Variants in KLHL13 observed in about 807,000 individuals in gnomAD.
KLHL13 encodes the protein kelch like family member 13.
Under a neutral mutation model 37.1 loss-of-function variants are expected in KLHL13, and 10 were observed. The observed-to-expected ratio is 0.27, with a 90% CI of 0.17 to 0.46. KLHL13 has a LOEUF of 0.46. KLHL13 is among the 20% of genes least tolerant of loss of function. The pLI is 1.00. For missense variants in KLHL13, 360 were observed against 509.3 expected, an observed-to-expected ratio of 0.71 and a Z score of 2.82; for synonymous variants, 163 against 181.2, an observed-to-expected ratio of 0.90 and a Z score of 0.81.
intron 2 of KLHL13, among the ~76,000 whole-genome samples, chrX:117,944,565 G>T (rs1933223909): frequency 1.8e-5 from 2 of 111,367 alleles, no homozygotes; most frequent in African/African-American, 6.5e-5. Flanking sequence ...TACTATAATG[G>T]TTCTTGATCA....
chrX:117,938,887 T>C (rs1489514621), intron 2 of KLHL13, among the ~76,000 whole-genome samples: 1 of 111,014 alleles, frequency 9.0e-6, no homozygotes, highest in African/African-American at 3.3e-5. Flanking sequence ...TCCTCATATG[T>C]ATAACAAACA....
At chrX:117,983,718 T>G (rs1465184559) in intron 1 of KLHL13, among the ~76,000 whole-genome samples, 1 of 111,947 alleles carries the variant, frequency 8.9e-6, no homozygotes, top group African/African-American at 3.2e-5. Flanking sequence ...AATTAACTTT[T>G]AAAAACCCTT....
At chrX:118,051,553 A>C (rs992080791) in intron 1 of KLHL13, among the ~76,000 whole-genome samples, 2 of 110,491 alleles carry the variant, frequency 1.8e-5, no homozygotes, top group Admixed American at 1.9e-4. Context: ...AAAAAGTAAT[A>C]AATAAATAAA....
intron 1 of KLHL13, among the ~76,000 whole-genome samples, chrX:117,956,665 T>A (rs1569425679): frequency 8.9e-6 from 1 of 112,082 alleles, no homozygotes; most frequent in East Asian, 2.8e-4. Context: ...AACCAGTGTT[T>A]CACACCCCAA....
chrX:117,947,171 G>A lies in KLHL13; in HGVS notation c.99-1596C>T, dbSNP rs774666526. On this transcript the variant is annotated intron_variant, in intron 1 of 6. Transcript: ENST00000262820. ...TTTTAAACAACTTTTGTGGACAGAC[G>A]TTTAAAATTACAGAATCAATTGGAA... is the stretch of plus-strand genomic sequence containing the variant. The A allele has an allele frequency of 8.1e-5, 9 of 111,677 alleles. No homozygotes were observed. The South Asian group carries it at 1.1e-3, about 14-fold the overall frequency. 9.2% of individuals were successfully genotyped at this position (111,677 alleles called of 1,213,427 possible).
intron 1 of KLHL13, chrX:117,983,454 G>T: frequency 9.8e-7 from 1 of 1,019,615 alleles, no homozygotes; most frequent in Non-Finnish European, 1.3e-6. Context: ...AAAAAGGTGA[G>T]GAAAAATGTA....
chrX:118,094,492 C>T (rs929236149), intron 1 of KLHL13, among the ~76,000 whole-genome samples: 1 of 110,917 alleles, frequency 9.0e-6, no homozygotes, highest in Non-Finnish European at 1.9e-5. Context: ...GAGAACTTCC[C>T]CAATCTAGCA....
chrX:117,997,657 C>T (rs981597454), intron 1 of KLHL13, among the ~76,000 whole-genome samples: 1 of 111,487 alleles, frequency 9.0e-6, no homozygotes, highest in African/African-American at 3.3e-5. Context: ...CAGGTAAGGT[C>T]CTTCAAGGTC....
chrX:117,938,045 G>A (rs1184436923), intron 2 of KLHL13, among the ~76,000 whole-genome samples: 1 of 112,004 alleles, frequency 8.9e-6, no homozygotes, highest in Non-Finnish European at 1.9e-5. Flanking sequence ...CTTTCAATTA[G>A]CATAATGTTT....
chrX:118,074,041 C>G (rs978628935), intron 1 of KLHL13, among the ~76,000 whole-genome samples: 1 of 112,219 alleles, frequency 8.9e-6, no homozygotes, highest in East Asian at 2.8e-4. Context: ...CTCCCTTGTC[C>G]TATTTTTTCT....
intron 2 of KLHL13, among the ~76,000 whole-genome samples, chrX:117,928,518 C>T (rs1932210502): frequency 9.0e-6 from 1 of 111,679 alleles, no homozygotes; most frequent in Admixed American, 9.5e-5. Context: ...TGTTCTCTGG[C>T]CCCAGCTTAA....
rs779095698 is a variant in KLHL13 at position 117,981,666 on chromosome X, G to C, written c.-55-36091C>G. Among the ~76,000 whole-genome samples, 4 of 111,385 alleles carry C rather than the reference G, an allele frequency of 3.6e-5. No individual in the cohort carries two copies. The South Asian group carries it at 1.1e-3, about 32-fold the overall frequency. ...ATGAATCTTCCACTACAGGGTCTAG[G>C]CATTTGTTTAAATTTCTATGATACT... On this transcript the variant is annotated intron_variant, in intron 1 of 6. Transcript: ENST00000371882.
chrX:118,096,140 G>A (rs2055203149), intron 1 of KLHL13, among the ~76,000 whole-genome samples: 1 of 111,572 alleles, frequency 9.0e-6, no homozygotes, highest in South Asian at 3.8e-4. Context: ...GAATCCAGGA[G>A]CTGGTTTTTT....
At chrX:118,031,336 T>C (rs1211319646) in intron 1 of KLHL13, among the ~76,000 whole-genome samples, 1 of 106,050 alleles carries the variant, frequency 9.4e-6, no homozygotes, top group East Asian at 2.9e-4. Context: ...TTACTCTCTT[T>C]TTCATGAAGT....
chrX:118,070,729 T>C (rs1289107693), intron 1 of KLHL13, among the ~76,000 whole-genome samples: 1 of 106,142 alleles, frequency 9.4e-6, no homozygotes, highest in African/African-American at 3.7e-5. Flanking sequence ...ATTTTCTTTT[T>C]TTTAATTTTT....
At chrX:118,088,130 G>GAT (rs1315000720) in intron 1 of KLHL13, among the ~76,000 whole-genome samples, 2 of 111,859 alleles carry the variant, frequency 1.8e-5, no homozygotes, top group Non-Finnish European at 1.9e-5. Flanking sequence ...TAATACAACA[G>GAT]ACAGGGCAAA....
Position 118,040,221 on chromosome X carries a change from G to A in KLHL13, c.-56+76287C>T, listed in dbSNP as rs189347154. On this transcript the variant is annotated intron_variant, in intron 1 of 6. Coordinates refer to the KLHL13 transcript ENST00000371882. ...CAGACACCAACGAAAATCTACAAAC[G>A]TTGAGACCACCCAGGAAATATGACC... Among the ~76,000 whole-genome samples, 170 of 111,587 alleles carry A rather than the reference G, an allele frequency of 1.5e-3. 2 individuals are homozygous for A. Among genetic ancestry groups the A allele is most frequent in the African/African-American group, 5.2e-3 (159 of 30,702 alleles).
At chrX:118,057,999 G>C (rs1240416263) in intron 1 of KLHL13, among the ~76,000 whole-genome samples, 2 of 111,347 alleles carry the variant, frequency 1.8e-5, no homozygotes, top group Non-Finnish European at 3.8e-5. Flanking sequence ...TGAATACAAA[G>C]AGAAAGACAG....
At chrX:117,980,108 GAAGC>G (rs2053643551) in intron 1 of KLHL13, among the ~76,000 whole-genome samples, 1 of 111,449 alleles carries the variant, frequency 9.0e-6, no homozygotes, top group Non-Finnish European at 1.9e-5. Context: ...ATCAAATATA[GAAGC>G]AAGACTGCCA....
Sources: allele counts gnomAD v4.1 joint callset (sites outside exome capture counted in the v4.1 genomes callset), GRCh38; gene constraint gnomAD v4.1.1; transcripts MANE v1.5; gene names NCBI Gene and HGNC (gene_info 2026-07-23, HGNC 2026-07-21).